TOGARAM1: variants seen among roughly 807,000 people sequenced by gnomAD.
TOGARAM1 encodes the protein TOG array regulator of axonemal microtubules protein 1.
A neutral mutation model predicts 166.6 loss-of-function variants in TOGARAM1; 100 were observed. The ratio of observed to expected loss-of-function variants is 0.60; its 90% CI spans 0.51 to 0.71. The LOEUF (loss-of-function observed/expected upper bound fraction) is 0.71, where lower values mean the gene tolerates loss of function less well. Ranked by LOEUF, TOGARAM1 falls within the 30% of genes least tolerant of loss-of-function variation. The probability of loss-of-function intolerance (pLI) is 0.00; values close to 1 mark genes in which losing one functional copy is unlikely to be tolerated. For synonymous variants in TOGARAM1, 758 were observed against 763.8 expected (o/e 0.99, Z 0.13); for missense variants, 2,029 against 2,102.7 (o/e 0.96, Z 0.69).
chr14:45,054,605 C>A, intron 16 of TOGARAM1, 56 bp downstream of exon 16: 1 of 1,246,018 alleles, frequency 8.0e-7, no homozygotes, highest in Non-Finnish European at 1.1e-6. Context: ...ATAGTAGTCT[C>A]ATTTGGATGT....
At chr14:44,999,202 A>G (rs563320584) in intron 2 of TOGARAM1, among the ~76,000 whole-genome samples, 161 bp from the exon 3 acceptor site, 1 of 152,224 alleles carries the variant, frequency 6.6e-6, no homozygotes, top group African/African-American at 2.4e-5. Context: ...CTGATTTTCT[A>G]GTATCAAAAG....
At chr14:45,013,492 C>G (rs1879935798) in intron 7 of TOGARAM1, among the ~76,000 whole-genome samples, 1 of 152,160 alleles carries the variant, frequency 6.6e-6, no homozygotes, top group Non-Finnish European at 1.5e-5. Context: ...TCTAGGCATA[C>G]AAAGACAGTA....
At chr14:45,048,089 TAC>T (rs1882168007) in intron 14 of TOGARAM1, among the ~76,000 whole-genome samples, 1 of 144,366 alleles carries the variant, frequency 6.9e-6, no homozygotes, top group Non-Finnish European at 1.5e-5. Context: ...TGTGGTGGCT[TAC>T]ACCTGTAATC....
At position 44,964,131 on chromosome 14, in the gene TOGARAM1, G is replaced by A. The variant is rs202173126; in HGVS notation, c.1710G>A (p.Gln570=). The change falls in exon 1 of 20, where the codon CAG becomes CAA. Residue 570 remains glutamine, a synonymous_variant. Coordinates refer to ENST00000361462, the MANE Select transcript of TOGARAM1 (RefSeq NM_001308120.2). ...GAGATGGAGTGATGAATGCTGTGCA[G>A]GCCAGATTGGCTAGGAAAACCTTAC... is the stretch of plus-strand genomic sequence containing the variant. The part of the protein sequence containing the change: ...DNGDGVMNAV[Q]ARLARKTLPR... The A allele has an allele frequency of 6.2e-5, 100 of 1,614,108 alleles. No individual in the cohort carries two copies. Among genetic ancestry groups the A allele is most frequent in the Admixed American group, 8.3e-5 (5 of 60,008 alleles).
chr14:45,052,592 G>A, intron 15 of TOGARAM1, 30 bp downstream of exon 15: 1 of 1,557,388 alleles, frequency 6.4e-7, no homozygotes. Context: ...TTTATAAACA[G>A]CTTTATAAGC....
chr14:45,031,885 C>T (rs1881179484), intron 10 of TOGARAM1, among the ~76,000 whole-genome samples: 1 of 152,108 alleles, frequency 6.6e-6, no homozygotes, highest in Non-Finnish European at 1.5e-5. Flanking sequence ...CTTGGCCAGG[C>T]ATGGTGGCTC....
Position 45,023,903 on chromosome 14 carries a change from G to A in TOGARAM1, c.3239-1880G>A, listed in dbSNP as rs149102335. 4.2e-3 allele frequency among the ~76,000 whole-genome samples: 633 copies of A among 152,200 alleles called. 4 individuals are homozygous for A. The highest frequency in any genetic ancestry group is 0.014 in the African/African-American group (595 of 41,514). ...ATACAGGCATGCGCCACCATGCATG[G>A]CTAATTTTTGTATTTTTGGTAGAGA... On this transcript the variant is annotated intron_variant, in intron 7 of 19. Coordinates refer to ENST00000361462, the MANE Select transcript of TOGARAM1 (RefSeq NM_001308120.2).
chr14:45,068,562 G>A lies in TOGARAM1; in HGVS notation c.4888G>A (p.Val1630Met), dbSNP rs767738341. 6.2e-7 allele frequency: 1 copy of A among 1,613,386 alleles called. No homozygotes were observed. The highest frequency in any genetic ancestry group is 8.5e-7 in the Non-Finnish European group (1 of 1,179,680). The change falls in exon 18 of 20, where the codon GTG (valine) becomes ATG (methionine). Residue 1630 changes from valine (V) to methionine (M), a missense_variant. Around this residue, in one of 2 missense-constraint regions of TOGARAM1, gnomAD observed 576 missense variants for 670.5 expected, o/e 0.86. Coordinates refer to ENST00000361462, the MANE Select transcript of TOGARAM1 (RefSeq NM_001308120.2). ...AATCAACATGCTAATTCCAGCAATA[G>A]TGGATAACAATCTGAATTCCAAGAA... The part of the protein sequence containing the change: ...PIINMLIPAI[V>M]DNNLNSKNPG...
chr14:45,049,268 CTT>C (rs1032278943), intron 14 of TOGARAM1, among the ~76,000 whole-genome samples: 4 of 143,542 alleles, frequency 2.8e-5, no homozygotes, highest in Non-Finnish European at 3.1e-5. Flanking sequence ...AAGCGCTCTG[CTT>C]TTTTTTTTTG....
chr14:45,020,135 A>G (rs1002064042), intron 7 of TOGARAM1, among the ~76,000 whole-genome samples: 5 of 152,202 alleles, frequency 3.3e-5, no homozygotes, highest in African/African-American at 1.2e-4. Context: ...TATAGCTGCT[A>G]GAGGTCCTAA....
intron 1 of TOGARAM1, among the ~76,000 whole-genome samples, chr14:44,976,133 A>G (rs1043442739): frequency 6.6e-6 from 1 of 152,188 alleles, no homozygotes; most frequent in African/African-American, 2.4e-5. Context: ...GATAACACTC[A>G]CTTTGATTAA....
intron 1 of TOGARAM1, among the ~76,000 whole-genome samples, chr14:44,995,284 A>G (rs1376603716): frequency 1.3e-5 from 2 of 152,216 alleles, no homozygotes; most frequent in South Asian, 2.1e-4. Context: ...TTGCCATGTT[A>G]TTTACATTGA....
chr14:44,962,520 C>T lies in TOGARAM1; in HGVS notation c.99C>T (p.Thr33=), dbSNP rs375227759. 1.9e-5 allele frequency: 31 copies of T among 1,613,306 alleles called. No homozygotes were observed. The highest frequency in any genetic ancestry group is 2.3e-5 in the Non-Finnish European group (27 of 1,179,888). ...QSRSRPSAPE[T]DDSRVGGIMR... is the part of the protein sequence containing the mutation. The stretch of plus-strand genomic sequence containing the variant: ...GCAGTCGTCCTTCCGCCCCAGAGAC[C>T]GATGATAGTCGAGTTGGGGGCATTA... The change falls in exon 1 of 20, where the codon ACC becomes ACT. Residue 33 remains threonine, a synonymous_variant. Transcript: ENST00000361462.
intron 11 of TOGARAM1, chr14:45,042,355 C>T (rs1329324116): frequency 6.6e-6 from 1 of 151,906 alleles, no homozygotes; most frequent in East Asian, 1.9e-4. Flanking sequence ...CTCTTTATTA[C>T]CAAGGGACAG....
chr14:45,019,450 C>A (rs1001274877), intron 7 of TOGARAM1, among the ~76,000 whole-genome samples: 1 of 151,560 alleles, frequency 6.6e-6, no homozygotes, highest in South Asian at 2.1e-4. Flanking sequence ...AAAAAAAAAA[C>A]AAAAACCTTG....
In TOGARAM1 at chr14:44,962,892, A is replaced by G. The variant is rs1566587284; in HGVS notation, c.471A>G (p.Gln157=). The G allele has an allele frequency of 1.9e-6, 3 of 1,613,762 alleles. No individual in the cohort carries two copies. Among genetic ancestry groups the G allele is most frequent in the Non-Finnish European group, 2.5e-6 (3 of 1,180,024 alleles). The change falls in exon 1 of 20, where the codon CAA becomes CAG. Residue 157 remains glutamine (Q), a synonymous_variant. Coordinates refer to ENST00000361462, the MANE Select transcript of TOGARAM1 (RefSeq NM_001308120.2). ...GGSDEKRLCL[Q]LLSDVLRGQG... ...GTGATGAGAAGCGGCTCTGCTTGCA[A>G]CTTCTCTCGGACGTTCTCCGGGGTC... is the stretch of plus-strand genomic sequence containing the variant.
chr14:45,070,642 T>C (rs1399904698), intron 18 of TOGARAM1, among the ~76,000 whole-genome samples: 2 of 152,220 alleles, frequency 1.3e-5, no homozygotes, highest in Non-Finnish European at 2.9e-5. Context: ...TTTATGTTAT[T>C]GGTAAGGTTT....
chr14:45,047,428 G>A (rs1882126670), intron 14 of TOGARAM1, among the ~76,000 whole-genome samples: 1 of 151,202 alleles, frequency 6.6e-6, no homozygotes, highest in African/African-American at 2.4e-5. Flanking sequence ...CAGGAATAAT[G>A]CATAACAATA....
intron 1 of TOGARAM1, among the ~76,000 whole-genome samples, chr14:44,983,113 G>A (rs1043350121): frequency 6.6e-6 from 1 of 152,146 alleles, no homozygotes; most frequent in Non-Finnish European, 1.5e-5. Context: ...TGCCGACTCT[G>A]TGTCTTTATT....
Sources: allele counts gnomAD v4.1 joint callset (sites outside exome capture counted in the v4.1 genomes callset), GRCh38; gene constraint gnomAD v4.1.1; regional missense constraint gnomAD v4.1.1; transcripts MANE v1.5; gene names NCBI Gene and HGNC (gene_info 2026-07-23, HGNC 2026-07-21).